Variants in PEPD observed in about 807,000 individuals in gnomAD.
PEPD encodes the protein peptidase D, also known as xaa-Pro dipeptidase.
Under a neutral mutation model 60.7 loss-of-function variants are expected in PEPD, and 53 were observed. That is an observed-to-expected ratio of 0.87 (90% CI 0.70 to 1.10). The LOEUF (loss-of-function observed/expected upper bound fraction) is 1.10. PEPD is among the 50% of genes least tolerant of loss of function. The pLI is 0.00. For missense variants in PEPD, 711 were observed against 711.9 expected (o/e 1.00, Z 0.01); for synonymous variants, 267 against 284.1 (o/e 0.94, Z 0.60).
intron 9 of PEPD, among the ~76,000 whole-genome samples, chr19:33,422,413 G>A (rs1194442715): frequency 8.1e-6 from 1 of 123,774 alleles, no homozygotes; most frequent in Non-Finnish European, 1.7e-5. Context: ...CATCACTCTA[G>A]ATCTACCTAC....
In PEPD at chr19:33,503,495, G is replaced by GCGCCT. The variant is rs1466100282; in HGVS notation, c.330-2499_330-2495dup. ...GTTATGGGGCACGAATTGATGACGAGCGCCTCGCCTGGACTTCGGAGGCCC... is the reference window on the plus strand; with the variant it reads ...GTTATGGGGCACGAATTGATGACGAGCGCCTCGCCTCGCCTGGACTTCGGAGGCCC... On this transcript the variant is annotated intron_variant, in intron 3 of 14. Coordinates refer to ENST00000244137, the MANE Select transcript of PEPD (RefSeq NM_000285.4). 1.9e-4 allele frequency among the ~76,000 whole-genome samples: 29 copies of GCGCCT among 152,296 alleles called. No homozygotes were observed. The South Asian group carries it at 5.4e-3, about 28-fold the overall frequency.
chr19:33,411,806 G>T, intron 10 of PEPD, 57 bp from the exon 11 acceptor site: 1 of 1,047,106 alleles, frequency 9.6e-7, no homozygotes, highest in East Asian at 2.5e-5. Flanking sequence ...AGGCTCTGAA[G>T]GAGGGGGTGG....
chr19:33,512,736 G>C lies in PEPD; in HGVS notation c.58C>G (p.Leu20Val). Residue 20 changes from leucine to valine, a missense_variant, in exon 2 of 15, where the codon CTG becomes GTG. Physicochemically the swap from Leu to Val is conservative, Grantham distance 32. Coordinates refer to ENST00000244137, the MANE Select transcript of PEPD (RefSeq NM_000285.4). ...WLGNETLKVP[L>V]ALFALNRQRL... Reference sequence around the variant, plus strand: ...TGCCGGTTCAAGGCAAAGAGCGCCAGCGGCACCTTCAGGGTTTCATTCCCC... The same window carrying C: ...TGCCGGTTCAAGGCAAAGAGCGCCACCGGCACCTTCAGGGTTTCATTCCCC... 6.2e-7 allele frequency: 1 copy of C among 1,614,150 alleles called. No individual in the cohort carries two copies. Among genetic ancestry groups the C allele is most frequent in the South Asian group, 1.1e-5 (1 of 91,090 alleles).
At chr19:33,468,840 T>C (rs1970069189) in intron 7 of PEPD, among the ~76,000 whole-genome samples, 1 of 152,152 alleles carries the variant, frequency 6.6e-6, no homozygotes. Context: ...CTGTTAATCA[T>C]CATGAAGGTG....
intron 9 of PEPD, among the ~76,000 whole-genome samples, chr19:33,450,487 C>G (rs1969677926): frequency 6.6e-6 from 1 of 152,174 alleles, no homozygotes; most frequent in Admixed American, 6.5e-5. Context: ...TTTTATGGAA[C>G]AAAGAGTCAA....
chr19:33,493,217 C>T (rs1970533608), intron 5 of PEPD, 73 bp downstream of exon 5: 5 of 1,069,228 alleles, frequency 4.7e-6, no homozygotes, highest in Non-Finnish European at 2.9e-6. Context: ...CCGACCTCTG[C>T]AGGAGAGGTG....
intron 7 of PEPD, among the ~76,000 whole-genome samples, chr19:33,476,140 A>G (rs1314127252): frequency 6.6e-6 from 1 of 152,220 alleles, no homozygotes; most frequent in African/African-American, 2.4e-5. Flanking sequence ...TGCTGGGATT[A>G]CAGGCGTGAG....
chr19:33,435,132 G>A (rs1435078935), intron 9 of PEPD, among the ~76,000 whole-genome samples: 2 of 152,156 alleles, frequency 1.3e-5, no homozygotes, highest in Admixed American at 6.5e-5. Flanking sequence ...TCATCCATCC[G>A]GCATCTCCAG....
At chr19:33,441,520 T>G (rs539100167) in intron 9 of PEPD, among the ~76,000 whole-genome samples, 8 of 152,370 alleles carry the variant, frequency 5.3e-5, no homozygotes, top group African/African-American at 1.9e-4. Flanking sequence ...GCTGAATCCC[T>G]GGAGGGCTGA....
At chr19:33,421,414 G>A (rs1357286264) in intron 9 of PEPD, among the ~76,000 whole-genome samples, 1 of 152,230 alleles carries the variant, frequency 6.6e-6, no homozygotes, top group African/African-American at 2.4e-5. Context: ...GGGCTGGGCT[G>A]ACCCACTGAA....
intron 1 of PEPD, among the ~76,000 whole-genome samples, chr19:33,517,105 C>T (rs1208942465): frequency 2.0e-5 from 3 of 152,154 alleles, no homozygotes; most frequent in African/African-American, 7.2e-5. Context: ...CGCTTGAGCA[C>T]TGGAGGCGGA....
intron 9 of PEPD, among the ~76,000 whole-genome samples, chr19:33,425,959 A>C (rs1969138470): frequency 6.6e-6 from 1 of 152,210 alleles, no homozygotes; most frequent in Non-Finnish European, 1.5e-5. Context: ...ACTGGTGTGC[A>C]CAACCACACC....
intron 6 of PEPD, among the ~76,000 whole-genome samples, chr19:33,479,032 A>G (rs1308241370): frequency 6.6e-6 from 1 of 152,242 alleles, no homozygotes; most frequent in Non-Finnish European, 1.5e-5. Flanking sequence ...AAATGAATAA[A>G]GACGCAATCC....
intron 3 of PEPD, among the ~76,000 whole-genome samples, chr19:33,502,438 C>A (rs896804949): frequency 6.6e-6 from 1 of 152,114 alleles, no homozygotes; most frequent in Non-Finnish European, 1.5e-5. Context: ...ATGCTGACTT[C>A]CTAGAACTAA....
At chr19:33,484,227 A>G (rs1023472594) in intron 6 of PEPD, among the ~76,000 whole-genome samples, 3 of 152,364 alleles carry the variant, frequency 2.0e-5, no homozygotes, top group Admixed American at 2.0e-4. Flanking sequence ...ACAGGGCAGC[A>G]GGTGACATAA....
intron 11 of PEPD, among the ~76,000 whole-genome samples, chr19:33,406,483 G>A (rs1968627057): frequency 6.6e-6 from 1 of 152,242 alleles, no homozygotes; most frequent in South Asian, 2.1e-4. Flanking sequence ...ATGTCTTTAA[G>A]ACCGCAGAGT....
chr19:33,452,644 T>A (rs1056117081), intron 9 of PEPD, among the ~76,000 whole-genome samples: 1 of 152,126 alleles, frequency 6.6e-6, no homozygotes, highest in African/African-American at 2.4e-5. Flanking sequence ...CATAAGATTT[T>A]AAAAATATAT....
At chr19:33,433,489 C>A (rs1969314414) in intron 9 of PEPD, among the ~76,000 whole-genome samples, 1 of 152,118 alleles carries the variant, frequency 6.6e-6, no homozygotes, top group East Asian at 1.9e-4. Flanking sequence ...CCTTTTTTAC[C>A]TATTTCAGTG....
In PEPD at chr19:33,442,652, T is replaced by A. The variant is rs576762317; in HGVS notation, c.671+20343A>T. The stretch of plus-strand genomic sequence containing the variant: ...TGAACCTGGGATGCAGAGGTTGCAG[T>A]GAGCCGAGATTGTGCCACTGCACTC... On this transcript the variant is annotated intron_variant, in intron 9 of 14. Coordinates refer to ENST00000244137, the MANE Select transcript of PEPD (RefSeq NM_000285.4). Among the ~76,000 whole-genome samples, 337 of 151,894 alleles carry A rather than the reference T, an allele frequency of 2.2e-3. 2 individuals carry two copies. The highest frequency in any genetic ancestry group is 7.8e-3 in the African/African-American group (325 of 41,414).
Sources: allele counts gnomAD v4.1 joint callset (sites outside exome capture counted in the v4.1 genomes callset), GRCh38; gene constraint gnomAD v4.1.1; transcripts MANE v1.5; gene names NCBI Gene and HGNC (gene_info 2026-07-23, HGNC 2026-07-21).